AASS: variants seen among roughly 807,000 people sequenced by gnomAD.
AASS encodes the protein aminoadipate-semialdehyde synthase.
AASS carries 86 observed loss-of-function variants against 105.4 expected under a neutral mutation model. That is an observed-to-expected ratio of 0.82 (90% CI 0.69 to 0.98). The LOEUF (loss-of-function observed/expected upper bound fraction) is 0.98, where lower values mean the gene tolerates loss of function less well. Among genes scored for constraint, AASS ranks in the 50% least tolerant of loss-of-function variants. AASS has a pLI of 0.00. For synonymous variants in AASS, 381 were observed against 394.8 expected, an observed-to-expected ratio of 0.96 and a Z score of 0.41; for missense variants, 1,048 against 1,143.2, an observed-to-expected ratio of 0.92 and a Z score of 1.20.
chr7:122,121,897 GAAAGATATTGA>G (rs1398644218), intron 4 of AASS, among the ~76,000 whole-genome samples: 1 of 152,004 alleles, frequency 6.6e-6, no homozygotes, highest in African/African-American at 2.4e-5. Flanking sequence ...AAGATGTCCA[GAAAGATATTGA>G]AAAGATATTG....
At chr7:122,136,677 T>A (rs1253584191) in intron 1 of AASS, among the ~76,000 whole-genome samples, 1 of 152,156 alleles carries the variant, frequency 6.6e-6, no homozygotes, top group Admixed American at 6.5e-5. Flanking sequence ...CCAGAAACCA[T>A]CCCATCTTCC....
At chr7:122,117,047 T>G (rs759020898) in intron 6 of AASS, 90 bp from the exon 7 acceptor site, 24 of 1,186,602 alleles carry the variant, frequency 2.0e-5, no homozygotes, top group South Asian at 1.7e-4. Flanking sequence ...TTCCCAACAA[T>G]TACATAGCTC....
At chr7:122,139,567 T>A (rs1020607349) in intron 1 of AASS, among the ~76,000 whole-genome samples, 2 of 152,198 alleles carry the variant, frequency 1.3e-5, no homozygotes, top group Non-Finnish European at 2.9e-5. Context: ...TCATAATGGA[T>A]GTCACAGTAA....
intron 15 of AASS, among the ~76,000 whole-genome samples, chr7:122,095,935 T>A (rs1794134599): frequency 6.6e-6 from 1 of 152,168 alleles, no homozygotes; most frequent in Non-Finnish European, 1.5e-5. Flanking sequence ...TCTAATAATA[T>A]TTTAAAACTT....
chr7:122,114,675 G>A (rs1449686366), intron 9 of AASS, among the ~76,000 whole-genome samples: 1 of 152,082 alleles, frequency 6.6e-6, no homozygotes, highest in Non-Finnish European at 1.5e-5. Context: ...GGAGAAACAA[G>A]AGAAGACTTC....
intron 11 of AASS, among the ~76,000 whole-genome samples, chr7:122,109,705 A>AG (rs1445606434): frequency 6.6e-6 from 1 of 151,554 alleles, no homozygotes; most frequent in Non-Finnish European, 1.5e-5. Context: ...TACTAGAAGA[A>AG]AAAAAAAACA....
At chr7:122,089,944 C>A (rs889750318) in intron 18 of AASS, among the ~76,000 whole-genome samples, 1 of 152,144 alleles carries the variant, frequency 6.6e-6, no homozygotes, top group Non-Finnish European at 1.5e-5. Context: ...CTTAAGATTG[C>A]AGAAGGTAAA....
At chr7:122,082,236 G>C (rs1178893154) in intron 19 of AASS, among the ~76,000 whole-genome samples, 1 of 152,020 alleles carries the variant, frequency 6.6e-6, no homozygotes, top group African/African-American at 2.4e-5. Context: ...GAGGTCCTTG[G>C]TATATTATAT....
chr7:122,078,710 C>T (rs1793158372), intron 22 of AASS, 152 bp downstream of exon 22: 2 of 717,270 alleles, frequency 2.8e-6, no homozygotes, highest in Admixed American at 2.2e-5. Context: ...TCTCAAATTC[C>T]TCCCTCTGGA....
intron 21 of AASS, 42 bp from the exon 22 acceptor site, chr7:122,078,992 A>G: frequency 1.2e-6 from 2 of 1,613,702 alleles, no homozygotes; most frequent in African/African-American, 1.3e-5. Context: ...CAAGTCCTAT[A>G]CATGTTCTCA....
chr7:122,093,234 G>A (rs1198727490), intron 15 of AASS, 76 bp from the exon 16 acceptor site: 2 of 1,068,644 alleles, frequency 1.9e-6, no homozygotes, highest in Non-Finnish European at 2.9e-6. Context: ...CTGTATTAAA[G>A]CTGCATCTTA....
intron 13 of AASS, among the ~76,000 whole-genome samples, chr7:122,101,145 AG>A (rs1320063428): frequency 2.0e-5 from 3 of 149,086 alleles, no homozygotes; most frequent in Admixed American, 2.0e-4. Flanking sequence ...ACGTCTACAC[AG>A]GCTATTAGAA....
At position 122,118,586 on chromosome 7, in the gene AASS, A is replaced by G. The variant is rs964855537; in HGVS notation, c.517T>C (p.Leu173=). 6.2e-7 allele frequency: 1 copy of G among 1,614,096 alleles called. No homozygotes were observed. Among genetic ancestry groups the G allele is most frequent in the Admixed American group, 1.7e-5 (1 of 60,008 alleles). ...ACCATAAAAGGTGTGTGATGTCCCA[A>G]AGCAAGGAGCCTTAAACCCATTCCA... ...LHGMGLRLLA[L]GHHTPFMHIG... The change falls in exon 5 of 24, where the codon TTG becomes CTG. Residue 173 remains leucine, a synonymous_variant. Coordinates refer to ENST00000417368, the MANE Select transcript of AASS (RefSeq NM_005763.4).
In AASS at chr7:122,076,303, T is replaced by G. The variant is rs1280533802; in HGVS notation, c.*186A>C. The G allele has an allele frequency of 1.0e-5, 6 of 576,962 alleles. No homozygotes were observed. The South Asian group carries it at 1.3e-4, about 13-fold the overall frequency. 35.7% of individuals were successfully genotyped at this position (576,962 alleles called of 1,614,324 possible). On this transcript the variant is annotated 3_prime_UTR_variant, in exon 24 of 24. Coordinates refer to ENST00000417368, the MANE Select transcript of AASS (RefSeq NM_005763.4). ...TAGAATTATTAAAGTTCTCTGTTAG[T>G]GGCTTGCATCTCCTGTTCCAAACAT...
In AASS at chr7:122,078,615, ATAAC is replaced by A. The variant is rs1022499460; in HGVS notation, c.2485+243_2485+246del. 2.0e-4 allele frequency among the ~76,000 whole-genome samples: 31 copies of A among 152,310 alleles called. 1 individual carries two copies. The highest frequency in any genetic ancestry group is 4.1e-4 in the South Asian group (2 of 4,830). On this transcript the variant is annotated intron_variant, in intron 22 of 23. Coordinates refer to ENST00000417368, the MANE Select transcript of AASS (RefSeq NM_005763.4). ...ATAGCGTGAGACACCGTCTCAAAAA[ATAAC>A]TAACTAACTAACTAAATAAATAAAT...
chr7:122,125,368 C>T (rs574577954), intron 4 of AASS, among the ~76,000 whole-genome samples: 1 of 152,270 alleles, frequency 6.6e-6, no homozygotes, highest in Admixed American at 6.5e-5. Context: ...TTCCCTGGTG[C>T]CGTAAAGAAA....
chr7:122,115,508 AAAAC>A (rs1273463420), intron 8 of AASS, among the ~76,000 whole-genome samples: 3 of 152,172 alleles, frequency 2.0e-5, no homozygotes, highest in Non-Finnish European at 4.4e-5. Context: ...GGACAAAAAC[AAAAC>A]AAACAAAAAA....
At position 122,074,954 on chromosome 7, in the gene AASS, G is replaced by T. The variant is rs990875893; in HGVS notation, c.*1535C>A. Among the ~76,000 whole-genome samples, 1 of 152,190 alleles carries T rather than the reference G, an allele frequency of 6.6e-6. No individual in the cohort carries two copies. Among genetic ancestry groups the T allele is most frequent in the Non-Finnish European group, 1.5e-5 (1 of 68,014 alleles). On this transcript the variant is annotated 3_prime_UTR_variant, in exon 24 of 24. Coordinates refer to ENST00000417368, the MANE Select transcript of AASS (RefSeq NM_005763.4). ...AGCTCATTGCAGCTTCGAACTTTGG[G>T]GCTCAAGCCATCCTTACACCTCAGC...
Position 122,129,358 on chromosome 7 carries a change from T to C in AASS, c.387+3A>G. The C allele has an allele frequency of 6.3e-7, 1 of 1,579,644 alleles. No individual in the cohort carries two copies. Among genetic ancestry groups the C allele is most frequent in the African/African-American group, 1.3e-5 (1 of 74,148 alleles). On this transcript the variant is annotated splice_donor_region_variant and intron_variant, in intron 3 of 23. Transcript: ENST00000417368. ...ATATTTATAAATATTAATCACTAAT[T>C]ACCTGTTTTAGAATCTCATCCAACA... is the stretch of plus-strand genomic sequence containing the variant.
Sources: gnomAD v4.1 joint callset for allele counts (sites outside exome capture counted in the v4.1 genomes callset) on GRCh38, gnomAD v4.1.1 for gene constraint, MANE v1.5 for transcripts, NCBI Gene and HGNC (gene_info 2026-07-23, HGNC 2026-07-21) for gene names.